The following ASPH variants were observed in gnomAD, a reference collection of about 807,000 sequenced individuals.
The protein encoded by ASPH is aspartate beta-hydroxylase, also known as aspartyl/asparaginyl beta-hydroxylase.
ASPH carries 100 observed loss-of-function variants against 118.4 expected under a neutral mutation model. The ratio of observed to expected loss-of-function variants is 0.84; its 90% confidence interval spans 0.72 to 1.00. The LOEUF (loss-of-function observed/expected upper bound fraction) is 1.00, where lower values mean the gene tolerates loss of function less well. Among genes scored for constraint, ASPH ranks in the 50% least tolerant of loss-of-function variants. The probability of loss-of-function intolerance (pLI) is 0.00; values close to 1 mark genes in which losing one functional copy is unlikely to be tolerated. For missense variants in ASPH, 920 were observed against 919.5 expected, an observed-to-expected ratio of 1.00 and a Z score of -0.01; for synonymous variants, 315 against 325.6, an observed-to-expected ratio of 0.97 and a Z score of 0.35.
At chr8:61,525,736 A>G (rs546777804) in intron 22 of ASPH, among the ~76,000 whole-genome samples, 49 of 143,660 alleles carry the variant, frequency 3.4e-4, no homozygotes, top group Non-Finnish European at 6.0e-4. Flanking sequence ...CTATTCATGA[A>G]TATTTATCCA....
chr8:61,651,284 T>C lies in ASPH; in HGVS notation c.416-160A>G, dbSNP rs1810841339. 5 of 523,048 alleles carry C rather than the reference T, an allele frequency of 9.6e-6. No individual in the cohort carries two copies. In the East Asian group the frequency reaches 1.6e-4, roughly 17 times the overall value. The allele number at this position is 523,048 out of a possible 1,614,324, so 32.4% of individuals were successfully genotyped here. A position where few individuals can be genotyped will look rare whatever the true frequency, so the allele number is the denominator to read the frequency against. On this transcript the variant is annotated intron_variant, in intron 4 of 24. Coordinates refer to ENST00000379454, the MANE Select transcript of ASPH (RefSeq NM_004318.4). ...TCAGCTTACATTTTTTTGTTCTGTG[T>C]TGGCAAACATGGTAGATATGTAAAA...
intron 1 of ASPH, among the ~76,000 whole-genome samples, chr8:61,695,183 A>T (rs2151822336): frequency 6.6e-6 from 1 of 152,382 alleles, no homozygotes; most frequent in Non-Finnish European, 1.5e-5. Flanking sequence ...CCAAGTTATC[A>T]TCATCTCCTA....
intron 14 of ASPH, among the ~76,000 whole-genome samples, chr8:61,603,554 T>C (rs1587960705): frequency 6.6e-6 from 1 of 152,254 alleles, no homozygotes; most frequent in Admixed American, 6.5e-5. Context: ...CTGACCTGTT[T>C]GTCTAAATTT....
intron 17 of ASPH, among the ~76,000 whole-genome samples, chr8:61,564,866 C>A (rs1174707906): frequency 2.0e-5 from 3 of 152,214 alleles, no homozygotes; most frequent in African/African-American, 7.2e-5. Context: ...TGACTCTAAT[C>A]TATAGGAGCC....
intron 13 of ASPH, chr8:61,624,181 C>T: frequency 4.3e-6 from 4 of 928,060 alleles, no homozygotes; most frequent in Non-Finnish European, 5.1e-6. Context: ...CGAAATATCT[C>T]ATATAGTCAA....
intron 20 of ASPH, among the ~76,000 whole-genome samples, chr8:61,549,146 C>A (rs1329411734): frequency 1.3e-5 from 2 of 152,166 alleles, no homozygotes; most frequent in East Asian, 3.8e-4. Flanking sequence ...TAAAAATAAG[C>A]ATTTCATAGT....
chr8:61,519,419 C>A (rs1231775065), intron 22 of ASPH, among the ~76,000 whole-genome samples: 1 of 152,078 alleles, frequency 6.6e-6, no homozygotes, highest in South Asian at 2.1e-4. Context: ...CTTACATAAG[C>A]GGACCCATAA....
chr8:61,601,171 T>C (rs764245179), intron 14 of ASPH, among the ~76,000 whole-genome samples: 2 of 150,910 alleles, frequency 1.3e-5, no homozygotes, highest in Admixed American at 6.6e-5. Flanking sequence ...CCTCCATCAG[T>C]AATTAATAGG....
chr8:61,622,568 G>A (rs1213960118), intron 13 of ASPH, among the ~76,000 whole-genome samples: 6 of 152,178 alleles, frequency 3.9e-5, no homozygotes, highest in African/African-American at 7.2e-5. Context: ...CAGTCCTCAC[G>A]TCACAGCTTT....
intron 14 of ASPH, among the ~76,000 whole-genome samples, chr8:61,612,682 CAA>C (rs1349295023): frequency 3.9e-5 from 6 of 152,048 alleles, no homozygotes; most frequent in African/African-American, 1.4e-4. Context: ...TAAAAATAAA[CAA>C]AGTTTCATAG....
At chr8:61,561,160 A>T (rs1829853495) in intron 18 of ASPH, among the ~76,000 whole-genome samples, 1 of 148,962 alleles carries the variant, frequency 6.7e-6, no homozygotes, top group Non-Finnish European at 1.5e-5. Flanking sequence ...GGAATTCTAC[A>T]AGTTCCATTT....
intron 13 of ASPH, chr8:61,626,064 T>G: frequency 1.6e-6 from 2 of 1,240,164 alleles, no homozygotes; most frequent in Middle Eastern, 2.8e-4. Context: ...GAATGTAACA[T>G]GACATTTTTA....
chr8:61,501,424 T>C lies in ASPH; in HGVS notation c.*1935A>G, dbSNP rs1470216379. 2 of 152,200 alleles carry C rather than the reference T, an allele frequency of 1.3e-5. No individual in the cohort carries two copies. Among genetic ancestry groups the C allele is most frequent in the Non-Finnish European group, 2.9e-5 (2 of 68,022 alleles). The allele number at this position is 152,200 out of a possible 1,614,324, so 9.4% of individuals were successfully genotyped here. On this transcript the variant is annotated 3_prime_UTR_variant, in exon 25 of 25. Transcript: ENST00000379454. ...ATATTATATTTACTAAGTTAAGAGC[T>C]AGTTTTTACTCTCTTCCATAATTTC...
At chr8:61,704,674 G>A (rs1836147422) in intron 1 of ASPH, among the ~76,000 whole-genome samples, 1 of 152,026 alleles carries the variant, frequency 6.6e-6, no homozygotes, top group Non-Finnish European at 1.5e-5. Flanking sequence ...GGGCAAAAAA[G>A]AAACTTCACT....
chr8:61,577,846 T>G (rs1835883472), intron 15 of ASPH, among the ~76,000 whole-genome samples: 1 of 152,152 alleles, frequency 6.6e-6, no homozygotes, highest in Non-Finnish European at 1.5e-5. Flanking sequence ...ATTATGGGGA[T>G]TACAATTTGA....
Position 61,646,863 on chromosome 8 carries a change from A to C in ASPH, c.506T>G (p.Leu169Trp). 6.2e-7 allele frequency: 1 copy of C among 1,613,848 alleles called. No homozygotes were observed. Among genetic ancestry groups the C allele is most frequent in the Non-Finnish European group, 8.5e-7 (1 of 1,179,838 alleles). ...VHAEHVEGEDLQQEDGPTGEP... is the reference protein window; with the variant it reads ...VHAEHVEGEDWQQEDGPTGEP... ...TCCTGTGGGTCCATCTTCTTGTTGC[A>C]AGTCTTCTCCCTCAACTATGACAAT... Residue 169 changes from leucine (L) to tryptophan (W), a missense_variant, in exon 6 of 25, where the codon TTG becomes TGG. Transcript: ENST00000379454.
chr8:61,682,037 A>G (rs1425976307), intron 2 of ASPH, among the ~76,000 whole-genome samples: 3 of 152,054 alleles, frequency 2.0e-5, no homozygotes, highest in Admixed American at 2.0e-4. Context: ...CACAAAGTAC[A>G]TTAAAAAATT....
At chr8:61,692,487 TC>T (rs1395445188) in intron 1 of ASPH, among the ~76,000 whole-genome samples, 1 of 152,092 alleles carries the variant, frequency 6.6e-6, no homozygotes. Context: ...AGACCAAACT[TC>T]CAACGTGTGT....
chr8:61,607,272 C>A (rs1845857613), intron 14 of ASPH: 1 of 702,274 alleles, frequency 1.4e-6, no homozygotes, highest in East Asian at 2.7e-5. Context: ...TGGCTGAAGT[C>A]CCAGGACATG....
Sources: gnomAD v4.1 joint callset for allele counts (sites outside exome capture counted in the v4.1 genomes callset) on GRCh38, gnomAD v4.1.1 for gene constraint, MANE v1.5 for transcripts, NCBI Gene and HGNC (gene_info 2026-07-23, HGNC 2026-07-21) for gene names.